RAB27A: variants seen among roughly 807,000 people sequenced by gnomAD.
RAB27A encodes the protein RAB27A, member RAS oncogene family.
RAB27A carries 17 observed loss-of-function variants against 20.8 expected under a neutral mutation model. That is an observed-to-expected ratio of 0.82 (90% CI 0.56 to 1.23). The LOEUF (loss-of-function observed/expected upper bound fraction) is 1.23, where lower values mean the gene tolerates loss of function less well. RAB27A is among the 50% of genes most tolerant of loss of function. RAB27A has a pLI of 0.00. For synonymous variants in RAB27A, 85 were observed against 92.8 expected (o/e 0.92, Z 0.48); for missense variants, 277 against 266.7 (o/e 1.04, Z -0.27).
chr15:55,215,568 C>T (rs953890617), intron 6 of RAB27A, among the ~76,000 whole-genome samples: 1 of 146,446 alleles, frequency 6.8e-6, no homozygotes, highest in African/African-American at 2.6e-5. Context: ...AGGAGAATGG[C>T]GTGAACCCGG....
At chr15:55,252,927 G>T (rs377306849) in intron 2 of RAB27A, among the ~76,000 whole-genome samples, 9 of 152,076 alleles carry the variant, frequency 5.9e-5, no homozygotes, top group Non-Finnish European at 1.2e-4. Context: ...GAGGTCAAGA[G>T]ATCGAGACCA....
chr15:55,315,180 A>T (rs1229511189), intron 1 of RAB27A, among the ~76,000 whole-genome samples: 3 of 152,212 alleles, frequency 2.0e-5, no homozygotes, highest in Non-Finnish European at 4.4e-5. Flanking sequence ...CTATTTAATA[A>T]ATGGTGCTGG....
At chr15:55,232,487 T>C (rs770053603) in intron 3 of RAB27A, among the ~76,000 whole-genome samples, 2 of 152,064 alleles carry the variant, frequency 1.3e-5, no homozygotes, top group African/African-American at 4.8e-5. Flanking sequence ...AAACAACGAA[T>C]AGAAATTATT....
At chr15:55,306,641 T>G (rs1595756643) in intron 2 of RAB27A, among the ~76,000 whole-genome samples, 1 of 152,236 alleles carries the variant, frequency 6.6e-6, no homozygotes, top group Non-Finnish European at 1.5e-5. Context: ...AGTATTTGCA[T>G]GCATGCAAAG....
At chr15:55,316,070 A>T (rs996196087) in intron 1 of RAB27A, among the ~76,000 whole-genome samples, 1 of 152,058 alleles carries the variant, frequency 6.6e-6, no homozygotes, top group Non-Finnish European at 1.5e-5. Flanking sequence ...CATCTCTACT[A>T]AAAATACAAA....
At chr15:55,263,925 T>C (rs1897364032) in intron 2 of RAB27A, among the ~76,000 whole-genome samples, 1 of 152,254 alleles carries the variant, frequency 6.6e-6, no homozygotes, top group Non-Finnish European at 1.5e-5. Flanking sequence ...GTAACAGAAT[T>C]CTGGAGTCTT....
chr15:55,273,408 CAAAA>C, intron 1 of RAB27A, among the ~76,000 whole-genome samples: 1 of 109,696 alleles, frequency 9.1e-6, no homozygotes, highest in Non-Finnish European at 1.9e-5. Flanking sequence ...GACTCCATCT[CAAAA>C]AAAAAAAAAT....
intron 2 of RAB27A, among the ~76,000 whole-genome samples, chr15:55,241,859 T>C (rs984630535): frequency 6.6e-6 from 1 of 151,778 alleles, no homozygotes; most frequent in Non-Finnish European, 1.5e-5. Context: ...CCCCTGAACT[T>C]AAGTTGAAGG....
intron 6 of RAB27A, among the ~76,000 whole-genome samples, chr15:55,215,441 A>T (rs1014237360): frequency 4.7e-5 from 7 of 149,848 alleles, no homozygotes; most frequent in African/African-American, 1.7e-4. Context: ...TCACGAGGTC[A>T]GGAGATCGAG....
rs2141150233 is a variant in RAB27A at position 55,317,680 on chromosome 15, T to C, written c.-234+1251A>G. 1.5e-5 allele frequency: 6 copies of C among 398,654 alleles called. 1 individual carries two copies. In the East Asian group the frequency reaches 2.1e-4, roughly 14 times the overall value. 24.7% of individuals were successfully genotyped at this position (398,654 alleles called of 1,614,324 possible). A position where few individuals can be genotyped will look rare whatever the true frequency, so the allele number is the denominator to read the frequency against. On this transcript the variant is annotated intron_variant, in intron 1 of 5. Transcript: ENST00000563262. ...TACCAACTGCATCTTTTCTTTTAAT[T>C]CCTTCTGATCTTTGGCATACTGTTC...
chr15:55,247,440 G>C (rs1896731485), intron 2 of RAB27A, among the ~76,000 whole-genome samples: 1 of 151,574 alleles, frequency 6.6e-6, no homozygotes, highest in African/African-American at 2.4e-5. Context: ...GAATTTCCAA[G>C]TTGCAAAACA....
intron 2 of RAB27A, among the ~76,000 whole-genome samples, chr15:55,263,596 C>T (rs565041338): frequency 2.0e-5 from 3 of 152,152 alleles, no homozygotes; most frequent in Non-Finnish European, 2.9e-5. Context: ...TATAAAAATG[C>T]CAAGTATCTG....
At chr15:55,205,905 A>G (rs1894626217) in intron 6 of RAB27A, among the ~76,000 whole-genome samples, 200 bp from the exon 7 acceptor site, 2 of 152,188 alleles carry the variant, frequency 1.3e-5, no homozygotes, top group Non-Finnish European at 2.9e-5. Flanking sequence ...AAAACTGGAA[A>G]TTTTAGACTC....
chr15:55,217,441 C>T (rs1299382905), intron 6 of RAB27A, among the ~76,000 whole-genome samples: 4 of 151,962 alleles, frequency 2.6e-5, no homozygotes, highest in Non-Finnish European at 4.4e-5. Context: ...TTGTGCATCA[C>T]TTGAGGCCAA....
chr15:55,241,460 T>C (rs1421389337), intron 2 of RAB27A, among the ~76,000 whole-genome samples: 1 of 151,798 alleles, frequency 6.6e-6, no homozygotes, highest in Admixed American at 6.6e-5. Flanking sequence ...AATTGCCTGG[T>C]GAGAGAAAGT....
At chr15:55,215,945 CAAAAAA>C (rs1162706734) in intron 6 of RAB27A, among the ~76,000 whole-genome samples, 3 of 52,890 alleles carry the variant, frequency 5.7e-5, no homozygotes, top group African/African-American at 1.4e-4. Flanking sequence ...GACGCCGTCT[CAAAAAA>C]AAAAAAAAAA....
intron 6 of RAB27A, among the ~76,000 whole-genome samples, chr15:55,218,524 G>C (rs1475215997): frequency 6.6e-6 from 1 of 152,174 alleles, no homozygotes; most frequent in Non-Finnish European, 1.5e-5. Context: ...GCATGCTGTT[G>C]AATTAAGCTA....
intron 2 of RAB27A, among the ~76,000 whole-genome samples, chr15:55,309,993 G>A (rs533604405): frequency 1.8e-4 from 28 of 152,044 alleles, no homozygotes; most frequent in South Asian, 4.2e-4. Flanking sequence ...TTCTTTGCTC[G>A]TCCATATTGT....
At chr15:55,313,788 A>G (rs11632757) in intron 2 of RAB27A, among the ~76,000 whole-genome samples, 49,122 of 151,792 alleles carry the variant, frequency 0.32, 10,571 homozygotes, top group African/African-American at 0.6. Context: ...CCTGGCTGAC[A>G]TGGTGAAGCC....
Sources: allele counts gnomAD v4.1 joint callset (sites outside exome capture counted in the v4.1 genomes callset), GRCh38; gene constraint gnomAD v4.1.1; transcripts MANE v1.5; gene names NCBI Gene and HGNC (gene_info 2026-07-23, HGNC 2026-07-21).